The following NFU1 variants were observed in gnomAD, a reference collection of about 807,000 sequenced individuals.
The protein encoded by NFU1 is NFU1 iron-sulfur cluster scaffold homolog, mitochondrial.
A neutral mutation model predicts 32.2 loss-of-function variants in NFU1; 30 were observed. The ratio of observed to expected loss-of-function variants is 0.93; its 90% CI spans 0.70 to 1.26. The LOEUF is 1.26. Ranked by LOEUF, NFU1 falls within the 50% of genes most tolerant of loss-of-function variation. The pLI is 0.00. For synonymous variants in NFU1, 112 were observed against 104.6 expected (o/e 1.07, Z -0.43); for missense variants, 306 against 306.6 (o/e 1.00, Z 0.02).
intron 7 of NFU1, chr2:69,399,200 A>T (rs62135769): frequency 0.03 from 9,452 of 312,488 alleles, 267 homozygotes; most frequent in Middle Eastern, 0.075. Context: ...ACAGAACAAG[A>T]TTCTGTCTCC....
upstream of NFU1, among the ~76,000 whole-genome samples, chr2:69,438,170 GTTAGAAAT>G (rs1673922433): frequency 2.0e-5 from 3 of 152,014 alleles, no homozygotes. Flanking sequence ...GTTAGAACAT[GTTAGAAAT>G]CCTGGGCCCC....
At chr2:69,402,238 T>C (rs1371791211) in intron 6 of NFU1, among the ~76,000 whole-genome samples, 3 of 152,186 alleles carry the variant, frequency 2.0e-5, no homozygotes, top group Non-Finnish European at 2.9e-5. Flanking sequence ...CAGTGTCTGA[T>C]TGTCTTTTTC....
At chr2:69,425,351 A>AT (rs1673417694) in intron 2 of NFU1, among the ~76,000 whole-genome samples, 1 of 100,344 alleles carries the variant, frequency 1.0e-5, no homozygotes, top group Non-Finnish European at 1.9e-5. Flanking sequence ...TTATTTATTT[A>AT]TTTTTAATTT....
chr2:69,437,197 C>CA, intron 1 of NFU1, 164 bp downstream of exon 1: 1 of 1,420,372 alleles, frequency 7.0e-7, no homozygotes, highest in Non-Finnish European at 9.2e-7. Flanking sequence ...AGCTCCCGCA[C>CA]AGACAGCCTC....
At chr2:69,436,085 T>C (rs1182330936) in intron 1 of NFU1, among the ~76,000 whole-genome samples, 2 of 152,148 alleles carry the variant, frequency 1.3e-5, no homozygotes, top group Admixed American at 1.3e-4. Flanking sequence ...CACTCATGAC[T>C]GTCATTATTT....
rs537259328 is a variant in NFU1, at chr2:69,413,619, C to T, written c.484+1566G>A. On this transcript the variant is annotated intron_variant, in intron 5 of 7. Transcript: ENST00000410022. ...ACTAAAAATACAAAAACTAGCTGGG[C>T]GTGGTGGTGCATGCCTGTAATCCCA... 1.4e-4 allele frequency among the ~76,000 whole-genome samples: 22 copies of T among 152,202 alleles called. No homozygotes were observed. In the South Asian group the frequency reaches 4.6e-3, roughly 32 times the overall value.
At chr2:69,428,420 C>G (rs1311148256) in intron 2 of NFU1, among the ~76,000 whole-genome samples, 1 of 151,392 alleles carries the variant, frequency 6.6e-6, no homozygotes, top group African/African-American at 2.4e-5. Flanking sequence ...TAGTGAGACT[C>G]TGTCTCAAAA....
At chr2:69,398,733 T>G (rs192906124) in intron 7 of NFU1, among the ~76,000 whole-genome samples, 4 of 152,328 alleles carry the variant, frequency 2.6e-5, no homozygotes, top group Admixed American at 2.6e-4. Context: ...ATAAATGGCT[T>G]CTGTTCCTCA....
chr2:69,427,799 T>C (rs1184740091), intron 2 of NFU1, among the ~76,000 whole-genome samples: 1 of 150,214 alleles, frequency 6.7e-6, no homozygotes, highest in South Asian at 2.1e-4. Context: ...CTGGCCAACA[T>C]GGTGAAACCC....
At position 69,406,011 on chromosome 2, in the gene NFU1, G is replaced by T; in HGVS notation, c.545+11C>A. On this transcript the variant is annotated intron_variant, in intron 6 of 7. Coordinates refer to ENST00000410022, the MANE Select transcript of NFU1 (RefSeq NM_001002755.4). ...AAGCACTTGAATTCAGGTAGAGAGA[G>T]GAGCACGTACCGTATTCTAGTATCT... is the stretch of plus-strand genomic sequence containing the variant. 1 of 1,561,806 alleles carries T rather than the reference G, an allele frequency of 6.4e-7. No homozygotes were observed. Among genetic ancestry groups the T allele is most frequent in the Non-Finnish European group, 8.8e-7 (1 of 1,133,632 alleles).
upstream of NFU1, chr2:69,437,542 C>T (rs557744910): frequency 2.3e-6 from 3 of 1,283,048 alleles, no homozygotes; most frequent in South Asian, 1.3e-5. Flanking sequence ...GCGGGCGGTC[C>T]TGCTGCGGAT....
At chr2:69,438,115 G>T (rs899078662), upstream of NFU1, among the ~76,000 whole-genome samples, 1 of 152,242 alleles carries the variant, frequency 6.6e-6, no homozygotes, top group South Asian at 2.1e-4. Flanking sequence ...CTCAAAGTGC[G>T]GACTAGGGGC....
At chr2:69,437,939 C>A (rs746153523), upstream of NFU1, among the ~76,000 whole-genome samples, 1 of 152,184 alleles carries the variant, frequency 6.6e-6, no homozygotes, top group Non-Finnish European at 1.5e-5. Context: ...TGTCAGCTGC[C>A]ACTTGGTCAT....
upstream of NFU1, chr2:69,437,674 G>C: frequency 1.0e-5 from 6 of 596,598 alleles, no homozygotes; most frequent in Middle Eastern, 4.5e-4. Flanking sequence ...GTGAACGCAT[G>C]CGTGTTTCCG....
chr2:69,437,198 A>G (rs1447140923), intron 1 of NFU1, 163 bp downstream of exon 1: 8 of 1,421,920 alleles, frequency 5.6e-6, no homozygotes, highest in African/African-American at 1.4e-5. Context: ...GCTCCCGCAC[A>G]GACAGCCTCA....
chr2:69,430,032 AAC>A, intron 2 of NFU1: 1 of 329,846 alleles, frequency 3.0e-6, no homozygotes. Context: ...CTGCCTCAAA[AAC>A]AAACAAAAAA....
chr2:69,413,615 T>C (rs1477904083), intron 5 of NFU1, among the ~76,000 whole-genome samples: 2 of 152,074 alleles, frequency 1.3e-5, no homozygotes, highest in South Asian at 2.1e-4. Flanking sequence ...AAAAACTAGC[T>C]GGGCGTGGTG....
intron 6 of NFU1, among the ~76,000 whole-genome samples, chr2:69,404,557 A>G (rs1173128017): frequency 2.0e-5 from 3 of 147,462 alleles, no homozygotes; most frequent in African/African-American, 7.6e-5. Context: ...TAACATATAC[A>G]TTACCTCGCA....
intron 3 of NFU1, among the ~76,000 whole-genome samples, chr2:69,421,235 A>T (rs1673229271): frequency 6.6e-6 from 1 of 152,138 alleles, no homozygotes; most frequent in Admixed American, 6.6e-5. Flanking sequence ...AAAAAGTTAA[A>T]AATAAAATAT....
Sources: allele counts gnomAD v4.1 joint callset (sites outside exome capture counted in the v4.1 genomes callset), GRCh38; gene constraint gnomAD v4.1.1; transcripts MANE v1.5; gene names NCBI Gene and HGNC (gene_info 2026-07-23, HGNC 2026-07-21).